The following NFXL1 variants were observed in gnomAD, a reference collection of about 807,000 sequenced individuals.
NFXL1 encodes nuclear transcription factor, X-box binding like 1.
NFXL1 carries 66 observed loss-of-function variants against 123.3 expected under a neutral mutation model. That is an observed-to-expected ratio of 0.54 (90% CI 0.44 to 0.66). The LOEUF is 0.66. Among genes scored for constraint, NFXL1 ranks in the 30% least tolerant of loss-of-function variants. The pLI, the probability that NFXL1 is intolerant of heterozygous loss-of-function variation, is 0.00. For synonymous variants in NFXL1, 346 were observed against 360.8 expected (o/e 0.96, Z 0.46); for missense variants, 944 against 1,125.6 (o/e 0.84, Z 2.31).
chr4:47,892,246 T>C (rs537250164), intron 11 of NFXL1, among the ~76,000 whole-genome samples: 1 of 152,312 alleles, frequency 6.6e-6, no homozygotes, highest in Non-Finnish European at 1.5e-5. Flanking sequence ...TGCAATGCTA[T>C]CAGCTTACAC....
chr4:47,856,346 T>C (rs1306415090), intron 19 of NFXL1, among the ~76,000 whole-genome samples: 1 of 152,158 alleles, frequency 6.6e-6, no homozygotes, highest in Non-Finnish European at 1.5e-5. Context: ...TTGAGGGCAA[T>C]GGTCAGACAG....
rs539122555 is a variant in NFXL1, at chr4:47,902,137, G to A, written c.647+1056C>T. Among the ~76,000 whole-genome samples the A allele has an allele frequency of 6.1e-4, 92 of 151,840 alleles. 1 individual carries two copies. The highest frequency in any genetic ancestry group is 4.9e-4 in the Non-Finnish European group (33 of 67,976). Reference sequence around the variant, plus strand: ...GCAGTGGCTACAGCGAGCCAAGAGCGCACCACTGCACTCCAGCCTGGGCAA... The same window carrying A: ...GCAGTGGCTACAGCGAGCCAAGAGCACACCACTGCACTCCAGCCTGGGCAA... On this transcript the variant is annotated intron_variant, in intron 5 of 22. Transcript: ENST00000507489.
At chr4:47,913,910 T>A in intron 2 of NFXL1, 59 bp downstream of exon 2, 1 of 1,252,540 alleles carries the variant, frequency 8.0e-7, no homozygotes, top group Non-Finnish European at 1.1e-6. Flanking sequence ...GAGGCGGTCC[T>A]GACTAGTAAC....
chr4:47,894,990 A>G (rs56018328), intron 10 of NFXL1, among the ~76,000 whole-genome samples: 23,299 of 152,190 alleles, frequency 0.15, 2,252 homozygotes, highest in East Asian at 0.28. Flanking sequence ...TGGGCTGCAG[A>G]ATGGATATTG....
intron 10 of NFXL1, among the ~76,000 whole-genome samples, 159 bp from the exon 11 acceptor site, chr4:47,894,461 T>G (rs146746790): frequency 2.0e-5 from 3 of 152,134 alleles, no homozygotes; most frequent in African/African-American, 7.2e-5. Flanking sequence ...CCTAAAACAT[T>G]TGCTTATATC....
intron 16 of NFXL1, among the ~76,000 whole-genome samples, chr4:47,878,884 AAT>A (rs1363794584): frequency 1.3e-5 from 2 of 152,176 alleles, no homozygotes; most frequent in African/African-American, 4.8e-5. Context: ...AGGAAAATTC[AAT>A]ATGATTCTGT....
intron 22 of NFXL1, 116 bp from the exon 23 acceptor site, chr4:47,848,452 A>G (rs1733934571): frequency 4.1e-6 from 3 of 737,278 alleles, no homozygotes; most frequent in Non-Finnish European, 6.4e-6. Context: ...TATAGTCAAT[A>G]TATTGATTTG....
At chr4:47,875,830 A>G (rs1264317716) in intron 17 of NFXL1, among the ~76,000 whole-genome samples, 1 of 152,200 alleles carries the variant, frequency 6.6e-6, no homozygotes, top group Non-Finnish European at 1.5e-5. Context: ...ATGCACATCA[A>G]TGAATTAAAG....
At chr4:47,896,999 C>A (rs1397608579) in intron 9 of NFXL1, among the ~76,000 whole-genome samples, 3 of 152,120 alleles carry the variant, frequency 2.0e-5, no homozygotes, top group African/African-American at 7.2e-5. Context: ...TGAACTACCC[C>A]ACAAAGACAA....
chr4:47,900,210 CT>C (rs113235707), intron 5 of NFXL1, among the ~76,000 whole-genome samples: 184 of 149,438 alleles, frequency 1.2e-3, no homozygotes, highest in African/African-American at 2.5e-3. Flanking sequence ...ACATATAATT[CT>C]TTTTTTTTTC....
intron 14 of NFXL1, 91 bp downstream of exon 14, chr4:47,885,407 G>T: frequency 9.5e-7 from 1 of 1,051,554 alleles, no homozygotes; most frequent in Non-Finnish European, 1.4e-6. Flanking sequence ...CCCAATAAGT[G>T]CTTAATCATT....
At chr4:47,912,231 G>A (rs968254567) in intron 2 of NFXL1, among the ~76,000 whole-genome samples, 1 of 152,094 alleles carries the variant, frequency 6.6e-6, no homozygotes, top group African/African-American at 2.4e-5. Flanking sequence ...TGTCACAAAA[G>A]AGATGATAAA....
At position 47,910,942 on chromosome 4, in the gene NFXL1, T is replaced by C; in HGVS notation, c.288A>G (p.Ala96=). 1 of 1,609,800 alleles carries C rather than the reference T, an allele frequency of 6.2e-7. No homozygotes were observed. Among genetic ancestry groups the C allele is most frequent in the Non-Finnish European group, 8.5e-7 (1 of 1,178,332 alleles). ...ACTGTTCTTCAACAAGTTTTCTGGC[T>C]GCAGCTTGGTTAGCTTTCTTGATTT... ...FEEIKKANQA[A]ARKLVEEQFS... Residue 96 remains alanine, a synonymous_variant, in exon 3 of 23, where the codon GCA becomes GCG. Coordinates refer to ENST00000507489, the MANE Select transcript of NFXL1 (RefSeq NM_001278624.2).
chr4:47,912,235 T>C (rs1737860783), intron 2 of NFXL1, among the ~76,000 whole-genome samples: 1 of 152,092 alleles, frequency 6.6e-6, no homozygotes, highest in Non-Finnish European at 1.5e-5. Flanking sequence ...ACAAAAGAGA[T>C]GATAAATGTC....
intron 10 of NFXL1, among the ~76,000 whole-genome samples, chr4:47,894,930 T>C (rs1736996492): frequency 6.6e-6 from 1 of 152,176 alleles, no homozygotes; most frequent in Admixed American, 6.5e-5. Context: ...CCTTAGGAAA[T>C]GTATTTCTTA....
chr4:47,855,048 A>C lies in NFXL1; in HGVS notation c.2421+11T>G, dbSNP rs771314651. 1 of 1,208,770 alleles carries C rather than the reference A, an allele frequency of 8.3e-7. No individual in the cohort carries two copies. The highest frequency in any genetic ancestry group is 1.2e-6 in the Non-Finnish European group (1 of 844,830). The allele number at this position is 1,208,770 out of a possible 1,614,324, so 74.9% of individuals were successfully genotyped here. A position where few individuals can be genotyped will look rare whatever the true frequency, so the allele number is the denominator to read the frequency against. ...TATAGAAAAGTATTTTCAATAACTTAAAATATTTACCTTTTTTATTCTTTT... is the reference window on the plus strand; with the variant it reads ...TATAGAAAAGTATTTTCAATAACTTCAAATATTTACCTTTTTTATTCTTTT... On this transcript the variant is annotated intron_variant, in intron 20 of 22. Coordinates refer to ENST00000507489, the MANE Select transcript of NFXL1 (RefSeq NM_001278624.2).
intron 22 of NFXL1, among the ~76,000 whole-genome samples, chr4:47,848,906 A>C (rs1005967501): frequency 3.3e-5 from 5 of 152,042 alleles, no homozygotes; most frequent in Non-Finnish European, 2.9e-5. Context: ...TAAATAAATA[A>C]ATAAATAAAA....
chr4:47,861,743 C>T (rs1734781883), intron 19 of NFXL1, among the ~76,000 whole-genome samples: 4 of 152,168 alleles, frequency 2.6e-5, no homozygotes, highest in African/African-American at 9.7e-5. Context: ...TTTATTACTT[C>T]AAATGGCCTC....
chr4:47,877,991 A>G (rs1289930717), intron 17 of NFXL1, among the ~76,000 whole-genome samples: 1 of 152,062 alleles, frequency 6.6e-6, no homozygotes, highest in East Asian at 1.9e-4. Context: ...TGAAAAGCTG[A>G]GTTCTCATAC....
Sources: gnomAD v4.1 joint callset for allele counts (sites outside exome capture counted in the v4.1 genomes callset) on GRCh38, gnomAD v4.1.1 for gene constraint, MANE v1.5 for transcripts, NCBI Gene and HGNC (gene_info 2026-07-23, HGNC 2026-07-21) for gene names.